MTUS2: variants seen among roughly 807,000 people sequenced by gnomAD.
MTUS2 encodes microtubule associated scaffold protein 2, also known as microtubule-associated tumor suppressor candidate 2.
In MTUS2, 40 loss-of-function variants were observed where a neutral mutation model predicts 114.1. The ratio of observed to expected loss-of-function variants is 0.35; its 90% CI spans 0.27 to 0.46. The LOEUF (loss-of-function observed/expected upper bound fraction) is 0.46, where lower values mean the gene tolerates loss of function less well. Among genes scored for constraint, MTUS2 ranks in the 20% least tolerant of loss-of-function variants. The pLI is 1.00. For missense variants in MTUS2, 1,679 were observed against 1,705.4 expected, an observed-to-expected ratio of 0.98 and a Z score of 0.27; for synonymous variants, 688 against 672.0, an observed-to-expected ratio of 1.02 and a Z score of -0.37.
At chr13:29,203,104 C>A (rs996061750) in intron 5 of MTUS2, among the ~76,000 whole-genome samples, 2 of 152,240 alleles carry the variant, frequency 1.3e-5, no homozygotes. Context: ...ACTGAAGCTG[C>A]ACCCACAGCT....
At chr13:28,901,116 A>C (rs573484077) in intron 2 of MTUS2, among the ~76,000 whole-genome samples, 11 of 152,298 alleles carry the variant, frequency 7.2e-5, no homozygotes, top group African/African-American at 2.6e-4. Flanking sequence ...GCATTTCCCA[A>C]ATGAAGAATG....
At chr13:28,867,585 G>C (rs1241609047) in intron 2 of MTUS2, among the ~76,000 whole-genome samples, 2 of 152,174 alleles carry the variant, frequency 1.3e-5, no homozygotes, top group Non-Finnish European at 2.9e-5. Flanking sequence ...CATATTAGAA[G>C]ACTCACATGT....
intron 5 of MTUS2, among the ~76,000 whole-genome samples, chr13:29,214,511 C>T (rs1034748821): frequency 1.3e-5 from 2 of 152,096 alleles, no homozygotes; most frequent in African/African-American, 4.8e-5. Flanking sequence ...TGTTCCTTTC[C>T]GTGGTTAGTG....
intron 2 of MTUS2, among the ~76,000 whole-genome samples, chr13:29,001,678 A>C (rs1159500070): frequency 6.6e-6 from 1 of 152,194 alleles, no homozygotes; most frequent in Non-Finnish European, 1.5e-5. Context: ...TCCATATCCC[A>C]GTCCCTGGAA....
At chr13:28,932,311 G>A (rs1380928757) in intron 2 of MTUS2, among the ~76,000 whole-genome samples, 1 of 152,134 alleles carries the variant, frequency 6.6e-6, no homozygotes, top group Non-Finnish European at 1.5e-5. Flanking sequence ...TCATCTTAAT[G>A]TATTAGGTAT....
At chr13:28,874,674 T>A (rs1291734899) in intron 2 of MTUS2, among the ~76,000 whole-genome samples, 1 of 152,116 alleles carries the variant, frequency 6.6e-6, no homozygotes, top group African/African-American at 2.4e-5. Flanking sequence ...GAAGCTGCAA[T>A]GACGTAACAT....
intron 2 of MTUS2, among the ~76,000 whole-genome samples, chr13:28,852,791 G>T (rs1438021066): frequency 6.6e-6 from 1 of 151,976 alleles, no homozygotes; most frequent in Non-Finnish European, 1.5e-5. Flanking sequence ...CTTGAACCTG[G>T]GATGCAGATC....
rs981298953 is a variant in MTUS2 at position 29,504,156 on chromosome 13, C to T, written c.*950C>T. On this transcript the variant is annotated 3_prime_UTR_variant, in exon 16 of 16. Transcript: ENST00000612955. ...CCTTGCAGATGACTGTGCCCATTCG[C>T]GCTCCATCCTCATGAAGGAAATTGC... 3.9e-5 allele frequency: 9 copies of T among 232,268 alleles called. No homozygotes were observed. Among genetic ancestry groups the T allele is most frequent in the East Asian group, 3.7e-4 (6 of 16,414 alleles). 14.4% of individuals were successfully genotyped at this position (232,268 alleles called of 1,614,324 possible).
chr13:28,835,228 A>G (rs539943199), intron 1 of MTUS2, among the ~76,000 whole-genome samples: 75 of 152,332 alleles, frequency 4.9e-4, no homozygotes, highest in South Asian at 1.7e-3. Flanking sequence ...ATGTGTACAT[A>G]GGAGCCTCAA....
intron 5 of MTUS2, among the ~76,000 whole-genome samples, chr13:29,158,358 C>CCCCCCCCCCCCTCTTTT: frequency 3.1e-5 from 1 of 32,048 alleles, no homozygotes. Flanking sequence ...GTCCACCCCG[C>CCCCCCCCCCCCTCTTTT]TTTTTTTTTT....
intron 5 of MTUS2, among the ~76,000 whole-genome samples, chr13:29,143,079 C>T (rs377057351): frequency 6.4e-4 from 97 of 152,220 alleles, no homozygotes; most frequent in African/African-American, 2.0e-3. Context: ...GAACAGTGGG[C>T]GCCAGGAATT....
chr13:28,870,843 T>C (rs1402306177), intron 2 of MTUS2, among the ~76,000 whole-genome samples: 1 of 152,168 alleles, frequency 6.6e-6, no homozygotes, highest in Admixed American at 6.6e-5. Context: ...CACCCAGTTG[T>C]TCAGTTTTAG....
intron 6 of MTUS2, among the ~76,000 whole-genome samples, chr13:29,311,705 A>G (rs981246304): frequency 2.0e-5 from 3 of 152,176 alleles, no homozygotes; most frequent in African/African-American, 7.2e-5. Context: ...AGTTTAACAT[A>G]TTGTTTACTT....
intron 8 of MTUS2, among the ~76,000 whole-genome samples, chr13:29,414,468 TA>T (rs67181675): frequency 0.41 from 51,613 of 126,550 alleles, 10,910 homozygotes; most frequent in Admixed American, 0.53. Flanking sequence ...AAAAAAAAAT[TA>T]AAAAAAAAAA....
intron 2 of MTUS2, among the ~76,000 whole-genome samples, chr13:28,999,721 TTCC>T (rs1266502723): frequency 1.3e-5 from 2 of 152,270 alleles, no homozygotes; most frequent in East Asian, 3.9e-4. Context: ...TCAGAACTTA[TTCC>T]TCCTAACTGT....
At chr13:28,958,308 G>C (rs757371206) in intron 2 of MTUS2, among the ~76,000 whole-genome samples, 1 of 152,174 alleles carries the variant, frequency 6.6e-6, no homozygotes, top group African/African-American at 2.4e-5. Flanking sequence ...CTGTTTTCCC[G>C]CAAGCCTACT....
At chr13:29,066,085 G>A (rs1057378184) in intron 4 of MTUS2, among the ~76,000 whole-genome samples, 13 of 152,190 alleles carry the variant, frequency 8.5e-5, no homozygotes, top group African/African-American at 2.6e-4. Context: ...TATTTGCCAC[G>A]TCTTCTAGAA....
chr13:28,964,020 C>T (rs1361389639), intron 2 of MTUS2, among the ~76,000 whole-genome samples: 1 of 152,178 alleles, frequency 6.6e-6, no homozygotes, highest in Non-Finnish European at 1.5e-5. Flanking sequence ...TTCCCCAGGC[C>T]CTTGCTATGA....
At chr13:29,411,197 G>T (rs1875212077) in intron 8 of MTUS2, among the ~76,000 whole-genome samples, 1 of 152,128 alleles carries the variant, frequency 6.6e-6, no homozygotes, top group Non-Finnish European at 1.5e-5. Flanking sequence ...TTTCTTTTTG[G>T]TATTTTTGTG....
Sources: gnomAD v4.1 joint callset for allele counts (sites outside exome capture counted in the v4.1 genomes callset) on GRCh38, gnomAD v4.1.1 for gene constraint, MANE v1.5 for transcripts, NCBI Gene and HGNC (gene_info 2026-07-23, HGNC 2026-07-21) for gene names.